Variants in SORCS1 observed in about 807,000 individuals in gnomAD.
The protein encoded by SORCS1 is sortilin related VPS10 domain containing receptor 1, also known as VPS10 domain-containing receptor SorCS1.
In SORCS1, 60 loss-of-function variants were observed where a neutral mutation model predicts 146.1. That is an observed-to-expected ratio of 0.41 (90% CI 0.33 to 0.51). SORCS1 has a LOEUF of 0.51. SORCS1 is among the 20% of genes least tolerant of loss of function. The pLI is 0.21. For synonymous variants in SORCS1, 637 were observed against 584.0 expected (o/e 1.09, Z -1.31); for missense variants, 1,352 against 1,487.6 (o/e 0.91, Z 1.50).
At position 106,894,203 on chromosome 10, in the gene SORCS1, G is replaced by A. The variant is rs181034445; in HGVS notation, c.626+62310C>T. Among the ~76,000 whole-genome samples the A allele has an allele frequency of 3.7e-3, 564 of 152,024 alleles. 4 individuals carry two copies. Among genetic ancestry groups the A allele is most frequent in the African/African-American group, 0.013 (520 of 41,460 alleles). On this transcript the variant is annotated intron_variant, in intron 2 of 25. Coordinates refer to ENST00000263054, the MANE Select transcript of SORCS1 (RefSeq NM_052918.5). ...AATGAACAGCAAATTGGGAAAATCC[G>A]TCAGCATGTAGGAAGTTAGTGGGGC... is the stretch of plus-strand genomic sequence containing the variant.
At chr10:107,148,939 T>C (rs1009828760) in intron 1 of SORCS1, among the ~76,000 whole-genome samples, 1 of 152,214 alleles carries the variant, frequency 6.6e-6, no homozygotes, top group African/African-American at 2.4e-5. Flanking sequence ...ATTCCTAAAC[T>C]GATTCTCTAC....
At chr10:106,887,942 C>T (rs1321833483) in intron 2 of SORCS1, among the ~76,000 whole-genome samples, 1 of 152,174 alleles carries the variant, frequency 6.6e-6, no homozygotes, top group Admixed American at 6.5e-5. Context: ...ACTGCATGCT[C>T]ACCTGAACAG....
chr10:107,149,084 C>T (rs1024506742), intron 1 of SORCS1, among the ~76,000 whole-genome samples: 1 of 152,204 alleles, frequency 6.6e-6, no homozygotes, highest in Non-Finnish European at 1.5e-5. Flanking sequence ...TGAAAGACCA[C>T]GAAGGTATCT....
chr10:106,788,430 T>C (rs943579531), intron 3 of SORCS1, among the ~76,000 whole-genome samples: 1 of 152,222 alleles, frequency 6.6e-6, no homozygotes, highest in Non-Finnish European at 1.5e-5. Flanking sequence ...AAGTCCCTTC[T>C]GCCTCTGAGC....
intron 14 of SORCS1, among the ~76,000 whole-genome samples, chr10:106,674,139 ACT>A (rs1203599168): frequency 5.8e-5 from 8 of 138,662 alleles, no homozygotes; most frequent in Admixed American, 5.4e-4. Context: ...ACGTGGTGAA[ACT>A]CTGTCTCTAC....
chr10:106,624,792 ATC>A (rs1302348490), intron 19 of SORCS1, among the ~76,000 whole-genome samples: 1 of 152,272 alleles, frequency 6.6e-6, no homozygotes, highest in South Asian at 2.1e-4. Context: ...TATTAAATTT[ATC>A]TTTCAGATTT....
chr10:107,069,857 G>A (rs917710853), intron 1 of SORCS1, among the ~76,000 whole-genome samples: 11 of 152,176 alleles, frequency 7.2e-5, no homozygotes, highest in Non-Finnish European at 5.9e-5. Context: ...ATGTTACTAT[G>A]TAAAAGCATG....
intron 1 of SORCS1, among the ~76,000 whole-genome samples, chr10:106,990,689 C>T (rs963525847): frequency 1.3e-5 from 2 of 152,280 alleles, no homozygotes; most frequent in South Asian, 2.1e-4. Context: ...TTAAGGAGAT[C>T]GGAGAAAATG....
At chr10:106,831,182 C>T (rs1948528982) in intron 2 of SORCS1, among the ~76,000 whole-genome samples, 1 of 151,648 alleles carries the variant, frequency 6.6e-6, no homozygotes, top group Non-Finnish European at 1.5e-5. Context: ...GGAGTCTTGT[C>T]CAGAGCAAGA....
intron 1 of SORCS1, among the ~76,000 whole-genome samples, chr10:106,991,272 T>C (rs996752528): frequency 1.3e-5 from 2 of 152,258 alleles, no homozygotes; most frequent in Non-Finnish European, 2.9e-5. Context: ...TCATGTTTTC[T>C]GGTTGCAGAA....
chr10:107,080,507 T>G (rs7096098), intron 1 of SORCS1, among the ~76,000 whole-genome samples: 3 of 152,160 alleles, frequency 2.0e-5, no homozygotes, highest in Admixed American at 6.5e-5. Flanking sequence ...CTTCCCTGAG[T>G]CGCGTGTGGT....
At chr10:107,035,270 AAAAAACAAC>A (rs1358168700) in intron 1 of SORCS1, among the ~76,000 whole-genome samples, 13 of 140,624 alleles carry the variant, frequency 9.2e-5, no homozygotes, top group African/African-American at 3.8e-4. Context: ...TTCAAAAAAA[AAAAAACAAC>A]AAAAAAAAAA....
intron 21 of SORCS1, among the ~76,000 whole-genome samples, chr10:106,612,341 C>G (rs1488441786): frequency 1.3e-4 from 18 of 141,656 alleles, no homozygotes; most frequent in Admixed American, 1.1e-3. Flanking sequence ...CCCTGGCCCC[C>G]CTTCCCCCCT....
At chr10:106,706,722 C>A in intron 7 of SORCS1, 88 bp from the exon 8 acceptor site, 1 of 1,221,190 alleles carries the variant, frequency 8.2e-7, no homozygotes, top group Non-Finnish European at 1.2e-6. Context: ...AAGGAGGAAG[C>A]TTCCAACACA....
intron 1 of SORCS1, among the ~76,000 whole-genome samples, chr10:107,132,587 T>A (rs571611843): frequency 3.6e-4 from 55 of 152,334 alleles, no homozygotes; most frequent in African/African-American, 1.2e-3. Context: ...GAAGTTTATC[T>A]CCGTACTGTC....
intron 20 of SORCS1, among the ~76,000 whole-genome samples, chr10:106,619,447 A>G (rs1207434546): frequency 6.6e-6 from 1 of 152,234 alleles, no homozygotes; most frequent in Non-Finnish European, 1.5e-5. Context: ...TTTTATTAAA[A>G]TAAGAGACAT....
chr10:107,025,337 G>A (rs960728672), intron 1 of SORCS1, among the ~76,000 whole-genome samples: 1 of 152,142 alleles, frequency 6.6e-6, no homozygotes, highest in Admixed American at 6.5e-5. Flanking sequence ...TGCTAGCTTG[G>A]GTATAAACAG....
chr10:107,156,294 A>T (rs984065798), intron 1 of SORCS1, among the ~76,000 whole-genome samples: 1 of 152,348 alleles, frequency 6.6e-6, no homozygotes, highest in African/African-American at 2.4e-5. Flanking sequence ...GGCAAAAATC[A>T]AATCCCAGCT....
At chr10:106,812,561 A>T (rs1316857831) in intron 3 of SORCS1, among the ~76,000 whole-genome samples, 1 of 152,190 alleles carries the variant, frequency 6.6e-6, no homozygotes, top group African/African-American at 2.4e-5. Flanking sequence ...TTGTCTTTAT[A>T]TCTTTCCCTG....
Sources: allele counts gnomAD v4.1 joint callset (sites outside exome capture counted in the v4.1 genomes callset), GRCh38; gene constraint gnomAD v4.1.1; transcripts MANE v1.5; gene names NCBI Gene and HGNC (gene_info 2026-07-23, HGNC 2026-07-21).